Variants in LUZP2 observed in about 807,000 individuals in gnomAD.
LUZP2 encodes the protein leucine zipper protein 2.
Under a neutral mutation model 51.6 loss-of-function variants are expected in LUZP2, and 52 were observed. The observed-to-expected ratio is 1.01, with a 90% confidence interval of 0.81 to 1.27. LUZP2 has a LOEUF of 1.27. Among genes scored for constraint, LUZP2 ranks in the 50% most tolerant of loss-of-function variants. The pLI is 0.00. For synonymous variants in LUZP2, 154 were observed against 137.3 expected, an observed-to-expected ratio of 1.12 and a Z score of -0.85; for missense variants, 436 against 395.4, an observed-to-expected ratio of 1.10 and a Z score of -0.87.
At chr11:24,724,662 A>G (rs995133686) in intron 1 of LUZP2, among the ~76,000 whole-genome samples, 6 of 152,338 alleles carry the variant, frequency 3.9e-5, no homozygotes, top group Non-Finnish European at 8.8e-5. Flanking sequence ...ATTGTTTTGA[A>G]TGTCTTAGGC....
chr11:24,815,003 AAAAT>A (rs1427914280), intron 5 of LUZP2, among the ~76,000 whole-genome samples: 4 of 145,884 alleles, frequency 2.7e-5, no homozygotes, highest in Admixed American at 6.9e-5. Context: ...AAAAAAAAAA[AAAAT>A]AAAAATAATC....
chr11:24,515,139 CTA>C (rs1850424749), intron 1 of LUZP2, among the ~76,000 whole-genome samples: 1 of 152,152 alleles, frequency 6.6e-6, no homozygotes, highest in Admixed American at 6.5e-5. Context: ...TGGAAATTAA[CTA>C]AGTCCTCTGA....
chr11:24,798,201 TC>T (rs1218909041), intron 5 of LUZP2, among the ~76,000 whole-genome samples: 221 of 82,328 alleles, frequency 2.7e-3, no homozygotes, highest in South Asian at 0.021. Flanking sequence ...ATCTTATATT[TC>T]TTTTTTTTTA....
chr11:24,757,836 A>C (rs1859831937), intron 4 of LUZP2, among the ~76,000 whole-genome samples: 1 of 152,050 alleles, frequency 6.6e-6, no homozygotes, highest in African/African-American at 2.4e-5. Context: ...CAAAAGTCCT[A>C]GGTCATATTA....
chr11:24,573,194 A>C (rs555876546), intron 1 of LUZP2, among the ~76,000 whole-genome samples: 1 of 152,124 alleles, frequency 6.6e-6, no homozygotes, highest in Middle Eastern at 3.4e-3. Flanking sequence ...AGAGCATTCA[A>C]ATCAACACCT....
chr11:24,643,254 C>CAAAAAACAA (rs1855358703), intron 1 of LUZP2, among the ~76,000 whole-genome samples: 1 of 75,724 alleles, frequency 1.3e-5, no homozygotes, highest in African/African-American at 5.6e-5. Context: ...ACTAAAAGTA[C>CAAAAAACAA]AAAAAAAAAA....
chr11:24,807,671 C>T (rs1009200991), intron 5 of LUZP2, among the ~76,000 whole-genome samples: 1 of 151,832 alleles, frequency 6.6e-6, no homozygotes, highest in African/African-American at 2.4e-5. Flanking sequence ...TCAGCAAGTC[C>T]CATTTTCATT....
chr11:24,908,365 T>A (rs917247797), intron 6 of LUZP2, among the ~76,000 whole-genome samples: 1 of 152,160 alleles, frequency 6.6e-6, no homozygotes, highest in Non-Finnish European at 1.5e-5. Context: ...TGAAAGATAA[T>A]CTCCTGAATG....
chr11:24,743,587 C>A (rs979363479), intron 4 of LUZP2, among the ~76,000 whole-genome samples: 2 of 151,982 alleles, frequency 1.3e-5, no homozygotes, highest in Non-Finnish European at 1.5e-5. Context: ...AGGAGCTTTT[C>A]AGAGGAGTCT....
intron 1 of LUZP2, among the ~76,000 whole-genome samples, chr11:24,542,465 A>G (rs1851401136): frequency 1.3e-5 from 2 of 152,014 alleles, no homozygotes; most frequent in South Asian, 2.1e-4. Flanking sequence ...TTTTTATGTA[A>G]CATATACTCA....
At chr11:24,897,529 C>A (rs11823206) in intron 5 of LUZP2, among the ~76,000 whole-genome samples, 1 of 152,010 alleles carries the variant, frequency 6.6e-6, no homozygotes, top group South Asian at 2.1e-4. Context: ...GCATTAAGAG[C>A]TGTAACACTC....
chr11:24,678,669 G>A lies in LUZP2; in HGVS notation c.63-50500G>A, dbSNP rs895351605. Among the ~76,000 whole-genome samples, 9 of 152,122 alleles carry A rather than the reference G, an allele frequency of 5.9e-5. 1 individual carries two copies. The highest frequency in any genetic ancestry group is 1.3e-4 in the Non-Finnish European group (9 of 68,016). ...ATCCCAGGTATCTGACATTAAAGCA[G>A]GTCCTTAGGTAGATTCTCACTTTAA... On this transcript the variant is annotated intron_variant, in intron 1 of 11. Coordinates refer to ENST00000336930, the MANE Select transcript of LUZP2 (RefSeq NM_001009909.4).
intron 5 of LUZP2, among the ~76,000 whole-genome samples, chr11:24,850,805 G>T (rs531271633): frequency 3.9e-5 from 6 of 152,076 alleles, no homozygotes; most frequent in Non-Finnish European, 7.4e-5. Flanking sequence ...TTGAGCAGTG[G>T]TTTGTAGTTC....
chr11:24,541,277 A>T (rs1002966091), intron 1 of LUZP2, among the ~76,000 whole-genome samples: 1 of 141,008 alleles, frequency 7.1e-6, no homozygotes, highest in Non-Finnish European at 1.6e-5. Context: ...AAAAAAAAAA[A>T]GGAGTGAGGT....
intron 5 of LUZP2, among the ~76,000 whole-genome samples, chr11:24,778,028 A>G (rs958572300): frequency 6.6e-6 from 1 of 152,124 alleles, no homozygotes; most frequent in Non-Finnish European, 1.5e-5. Context: ...TTATATTTCT[A>G]TAAGTATCAT....
intron 1 of LUZP2, among the ~76,000 whole-genome samples, chr11:24,538,023 G>A (rs1175825878): frequency 6.6e-6 from 1 of 151,614 alleles, no homozygotes; most frequent in East Asian, 1.9e-4. Context: ...CTTCTTTGAA[G>A]AGAAGGAACT....
At chr11:24,673,038 C>T (rs560150666) in intron 1 of LUZP2, among the ~76,000 whole-genome samples, 75 of 152,270 alleles carry the variant, frequency 4.9e-4, no homozygotes, top group African/African-American at 1.8e-3. Flanking sequence ...AATCTCACAC[C>T]TGCTGATCTA....
At chr11:25,029,198 ATAACT>A (rs1468578344) in intron 9 of LUZP2, among the ~76,000 whole-genome samples, 8 of 152,172 alleles carry the variant, frequency 5.3e-5, no homozygotes, top group African/African-American at 9.7e-5. Context: ...ATACTCAATA[ATAACT>A]TAACATATTT....
intron 5 of LUZP2, chr11:24,786,117 T>C: frequency 1.0e-6 from 1 of 985,278 alleles, no homozygotes; most frequent in Non-Finnish European, 1.2e-6. Flanking sequence ...ATTTAGGCCC[T>C]CACAAATCCC....
Sources: gnomAD v4.1 joint callset for allele counts (sites outside exome capture counted in the v4.1 genomes callset) on GRCh38, gnomAD v4.1.1 for gene constraint, MANE v1.5 for transcripts, NCBI Gene and HGNC (gene_info 2026-07-23, HGNC 2026-07-21) for gene names.